DENND2B: variants seen among roughly 807,000 people sequenced by gnomAD.
DENND2B encodes DENN domain-containing protein 2B.
In DENND2B, 32 loss-of-function variants were observed where a neutral mutation model predicts 116.0. The ratio of observed to expected loss-of-function variants is 0.28; its 90% CI spans 0.21 to 0.37. The LOEUF (loss-of-function observed/expected upper bound fraction) is 0.37, where lower values mean the gene tolerates loss of function less well. Ranked by LOEUF, DENND2B falls within the 10% of genes least tolerant of loss-of-function variation. DENND2B has a pLI of 1.00. For missense variants in DENND2B, 1,276 were observed against 1,477.7 expected (o/e 0.86, Z 2.24); for synonymous variants, 588 against 583.9 (o/e 1.01, Z -0.10).
chr11:8,722,469 A>G (rs1218299354), intron 4 of DENND2B, among the ~76,000 whole-genome samples: 1 of 151,934 alleles, frequency 6.6e-6, no homozygotes, highest in African/African-American at 2.4e-5. Context: ...GACCAGAGAG[A>G]CGGCTCCCAG....
intron 1 of DENND2B, among the ~76,000 whole-genome samples, chr11:8,798,253 C>T (rs1303460771): frequency 3.9e-5 from 6 of 152,204 alleles, no homozygotes; most frequent in African/African-American, 1.4e-4. Context: ...AAACCTAGAA[C>T]AGAAGGAATG....
chr11:8,829,826 C>A (rs1340991823), intron 4 of DENND2B, among the ~76,000 whole-genome samples: 1 of 152,172 alleles, frequency 6.6e-6, no homozygotes, highest in Admixed American at 6.6e-5. Context: ...CAGAGCCAGA[C>A]TAGATGAACT....
chr11:8,717,822 C>T lies in DENND2B; in HGVS notation c.1548G>A (p.Gln516=). The change falls in exon 5 of 20, where the codon CAG becomes CAA. Residue 516 remains glutamine (Q), a synonymous_variant. Coordinates refer to ENST00000313726, the MANE Select transcript of DENND2B (RefSeq NM_213618.2). ...AGTCCAAGGAGTTCTCAGACAGTTG[C>T]TGGGATTTTCGTCCTGCTCTTCGGC... The part of the protein sequence containing the change: ...LKSRRAGRKS[Q]QLSENSLDSL... 6.2e-7 allele frequency: 1 copy of T among 1,613,490 alleles called. No individual in the cohort carries two copies. Among genetic ancestry groups the T allele is most frequent in the Non-Finnish European group, 8.5e-7 (1 of 1,179,568 alleles).
intron 2 of DENND2B, among the ~76,000 whole-genome samples, chr11:8,740,106 T>C (rs1298004803): frequency 6.6e-6 from 1 of 151,696 alleles, no homozygotes; most frequent in Non-Finnish European, 1.5e-5. Context: ...AGGAGGATCC[T>C]TGAGCCCAGG....
At chr11:8,718,508 G>C in intron 4 of DENND2B, 1 of 1,459,504 alleles carries the variant, frequency 6.9e-7, no homozygotes, top group South Asian at 1.4e-5. Flanking sequence ...ACAGTGATTA[G>C]CAAGGAGGAA....
chr11:8,818,941 T>G (rs964224290), intron 4 of DENND2B, among the ~76,000 whole-genome samples: 2 of 152,206 alleles, frequency 1.3e-5, no homozygotes, highest in Non-Finnish European at 2.9e-5. Context: ...AAGTGGTATA[T>G]GGACAAACTT....
rs558681853 is a variant in DENND2B, at chr11:8,858,680, T to G, written c.-249-1244A>C. ...AAATATATATATTCTCATTGCTATG[T>G]GGAGAAGAGACTGCAAAGACAGGAG... On this transcript the variant is annotated intron_variant, in intron 2 of 6. Coordinates refer to the DENND2B transcript ENST00000524757. 3.3e-5 allele frequency among the ~76,000 whole-genome samples: 5 copies of G among 152,262 alleles called. No individual in the cohort carries two copies. In the South Asian group the frequency reaches 6.2e-4, roughly 19 times the overall value.
intron 1 of DENND2B, among the ~76,000 whole-genome samples, chr11:8,801,603 G>A (rs1004524860): frequency 2.6e-5 from 4 of 151,510 alleles, no homozygotes; most frequent in Non-Finnish European, 4.4e-5. Context: ...CTTGAATCCG[G>A]AAGGTAGAGG....
At chr11:8,822,772 C>A (rs1449119626) in intron 4 of DENND2B, among the ~76,000 whole-genome samples, 12 of 152,248 alleles carry the variant, frequency 7.9e-5, no homozygotes. Flanking sequence ...CATTCCCTTA[C>A]ATTTTTAATT....
intron 15 of DENND2B, 42 bp downstream of exon 15, chr11:8,699,171 C>T (rs761989616): frequency 2.0e-6 from 3 of 1,530,396 alleles, no homozygotes; most frequent in Non-Finnish European, 2.6e-6. Context: ...CACCTGCTTC[C>T]CCCTCCACCC....
intron 1 of DENND2B, among the ~76,000 whole-genome samples, chr11:8,883,839 A>G (rs954760618): frequency 6.6e-6 from 1 of 152,224 alleles, no homozygotes; most frequent in Admixed American, 6.5e-5. Flanking sequence ...CGTCTTCAAA[A>G]TTTCACTTAC....
chr11:8,890,942 G>C (rs2064024082), intron 1 of DENND2B, among the ~76,000 whole-genome samples: 1 of 152,176 alleles, frequency 6.6e-6, no homozygotes, highest in Admixed American at 6.5e-5. Context: ...ATAATTGTCA[G>C]ATTCACCAAA....
At chr11:8,889,920 A>T (rs1260499551) in intron 1 of DENND2B, among the ~76,000 whole-genome samples, 1 of 152,126 alleles carries the variant, frequency 6.6e-6, no homozygotes, top group Non-Finnish European at 1.5e-5. Flanking sequence ...GGAATTTGAG[A>T]TCTGACAATG....
At chr11:8,763,826 A>C (rs988223952) in intron 1 of DENND2B, among the ~76,000 whole-genome samples, 7 of 152,096 alleles carry the variant, frequency 4.6e-5, no homozygotes, top group African/African-American at 1.7e-4. Context: ...ACATATATAC[A>C]TTCATGTTGT....
At chr11:8,698,096 A>C (rs1375895632) in intron 16 of DENND2B, 2 of 166,476 alleles carry the variant, frequency 1.2e-5, no homozygotes, top group Non-Finnish European at 1.2e-5. Context: ...TCATGACTGT[A>C]CCACTGCACT....
rs148456647 is a variant in DENND2B, at chr11:8,730,204, G to A, written c.1086C>T (p.Pro362=). Residue 362 remains proline, a synonymous_variant, in exon 3 of 20, where the codon CCC becomes CCT. Coordinates refer to ENST00000313726, the MANE Select transcript of DENND2B (RefSeq NM_213618.2). The surrounding 1 kb of genome is among the most constrained non-coding windows in gnomAD (Gnocchi z 4.1). ...AGCTAGGGCTATTTCCAGGGGTCCC[G>A]GGCTTAGTGGAACCACTGCCTTCCC... ...PEREGSGSTK[P]GTPGNSPSSQ... 7 of 1,613,474 alleles carry A rather than the reference G, an allele frequency of 4.3e-6. No individual in the cohort carries two copies. Among genetic ancestry groups the A allele is most frequent in the South Asian group, 1.1e-5 (1 of 91,038 alleles).
intron 3 of DENND2B, among the ~76,000 whole-genome samples, chr11:8,840,100 C>T (rs2062574043): frequency 6.6e-6 from 1 of 151,916 alleles, no homozygotes; most frequent in Non-Finnish European, 1.5e-5. Flanking sequence ...CGCCCAATGC[C>T]TCATTTGTAA....
chr11:8,874,836 G>C (rs2063825521), upstream of DENND2B, among the ~76,000 whole-genome samples: 1 of 152,054 alleles, frequency 6.6e-6, no homozygotes, highest in East Asian at 1.9e-4. Context: ...GAGGTGGGAG[G>C]ATTGCTTGAG....
chr11:8,696,247 G>A (rs1454450176), intron 18 of DENND2B, among the ~76,000 whole-genome samples, 180 bp downstream of exon 18: 1 of 152,220 alleles, frequency 6.6e-6, no homozygotes, highest in East Asian at 1.9e-4. Flanking sequence ...GCATAGCCTT[G>A]TGAAGGCATT....
Sources: gnomAD v4.1 joint callset for allele counts (sites outside exome capture counted in the v4.1 genomes callset) on GRCh38, gnomAD v4.1.1 for gene constraint, Gnocchi (gnomAD v3.1) non-coding constraint, MANE v1.5 for transcripts, NCBI Gene and HGNC (gene_info 2026-07-23, HGNC 2026-07-21) for gene names.